Variants in CEP128 observed in about 807,000 individuals in gnomAD.
CEP128 encodes the protein centrosomal protein 128kDa.
A neutral mutation model predicts 156.7 loss-of-function variants in CEP128; 132 were observed. That is an observed-to-expected ratio of 0.84 (90% CI 0.73 to 0.97). The LOEUF is 0.97. Among genes scored for constraint, CEP128 ranks in the 50% least tolerant of loss-of-function variants. CEP128 has a pLI of 0.00. For synonymous variants in CEP128, 469 were observed against 448.9 expected (o/e 1.04, Z -0.57); for missense variants, 1,252 against 1,281.9 (o/e 0.98, Z 0.36).
chr14:80,698,727 G>A (rs1431749784), intron 19 of CEP128, among the ~76,000 whole-genome samples: 1 of 151,840 alleles, frequency 6.6e-6, no homozygotes, highest in African/African-American at 2.4e-5. Context: ...TGATTTCTAA[G>A]ATTAATAGAG....
At chr14:80,700,344 G>A (rs1210684232) in intron 19 of CEP128, among the ~76,000 whole-genome samples, 3 of 152,006 alleles carry the variant, frequency 2.0e-5, no homozygotes, top group African/African-American at 7.3e-5. Context: ...AGCTGGGCTG[G>A]TCACTTATCT....
chr14:80,535,198 C>T lies in CEP128; in HGVS notation c.2881-4312G>A, dbSNP rs552042013. On this transcript the variant is annotated intron_variant, in intron 21 of 24. Transcript: ENST00000555265. ...CTCACACCACCATAAGAGATAGGTA[C>T]GTATTATTGTTATCATCATTATACA... Among the ~76,000 whole-genome samples, 135 of 152,258 alleles carry T rather than the reference C, an allele frequency of 8.9e-4. 1 individual carries two copies. Among genetic ancestry groups the T allele is most frequent in the African/African-American group, 3.1e-3 (127 of 41,552 alleles).
chr14:80,774,797 G>C (rs1360809645), intron 16 of CEP128, among the ~76,000 whole-genome samples: 1 of 152,178 alleles, frequency 6.6e-6, no homozygotes. Flanking sequence ...GTGCCCACCT[G>C]TTTGGTTTGC....
downstream of CEP128, among the ~76,000 whole-genome samples, chr14:80,495,854 C>T (rs1325747327): frequency 2.0e-5 from 3 of 151,968 alleles, no homozygotes; most frequent in East Asian, 1.9e-4. Flanking sequence ...TTATTTAGGA[C>T]GAAGGAGATA....
At chr14:80,768,723 C>A (rs996433606) in intron 16 of CEP128, among the ~76,000 whole-genome samples, 1 of 152,292 alleles carries the variant, frequency 6.6e-6, no homozygotes, top group Middle Eastern at 3.4e-3. Context: ...TGGTCTTAGG[C>A]AGGCTTACAA....
intron 19 of CEP128, among the ~76,000 whole-genome samples, chr14:80,673,671 A>AAAAAT (rs1895944752): frequency 2.1e-5 from 3 of 145,922 alleles, no homozygotes; most frequent in African/African-American, 5.1e-5. Context: ...AAAAAAAAAA[A>AAAAAT]TGTACTAAAG....
At chr14:80,510,955 A>G (rs1888217779) in intron 23 of CEP128, among the ~76,000 whole-genome samples, 1 of 151,598 alleles carries the variant, frequency 6.6e-6, no homozygotes, top group Non-Finnish European at 1.5e-5. Context: ...TCCCTGGGCT[A>G]TTATGAATAA....
At chr14:80,549,849 T>C (rs1404740696) in intron 21 of CEP128, among the ~76,000 whole-genome samples, 1 of 152,102 alleles carries the variant, frequency 6.6e-6, no homozygotes, top group Non-Finnish European at 1.5e-5. Context: ...AGATCCAGGG[T>C]AAAAAGGAAA....
intron 6 of CEP128, among the ~76,000 whole-genome samples, chr14:80,900,288 C>A (rs1883470339): frequency 6.6e-6 from 1 of 152,172 alleles, no homozygotes; most frequent in Non-Finnish European, 1.5e-5. Context: ...TAGAAGGGGT[C>A]TGCTTCTTCC....
At chr14:80,520,548 T>C (rs1045927383) in intron 23 of CEP128, among the ~76,000 whole-genome samples, 4 of 152,220 alleles carry the variant, frequency 2.6e-5, no homozygotes, top group African/African-American at 9.6e-5. Context: ...TAATAGCTAA[T>C]TGATATTTTA....
chr14:80,923,146 A>G (rs1477986093), intron 2 of CEP128, among the ~76,000 whole-genome samples: 1 of 152,196 alleles, frequency 6.6e-6, no homozygotes, highest in African/African-American at 2.4e-5. Context: ...CTCCCAACAA[A>G]TCAGTATTTA....
At chr14:80,697,744 G>C (rs1896938286) in intron 19 of CEP128, among the ~76,000 whole-genome samples, 1 of 151,898 alleles carries the variant, frequency 6.6e-6, no homozygotes, top group Non-Finnish European at 1.5e-5. Flanking sequence ...TATGTCCTTT[G>C]TTTTATCTTA....
At chr14:80,658,403 A>T (rs1052360925) in intron 19 of CEP128, among the ~76,000 whole-genome samples, 1 of 151,912 alleles carries the variant, frequency 6.6e-6, no homozygotes, top group African/African-American at 2.4e-5. Flanking sequence ...GTTCATCCAC[A>T]CTCCTCAATG....
intron 23 of CEP128, among the ~76,000 whole-genome samples, chr14:80,525,819 A>C (rs1566757257): frequency 6.6e-6 from 1 of 152,342 alleles, no homozygotes; most frequent in East Asian, 1.9e-4. Context: ...AGAAGGAGTT[A>C]TGGAAATGAA....
At chr14:80,757,028 A>G in intron 17 of CEP128, 77 bp from the exon 18 acceptor site, 3 of 945,168 alleles carry the variant, frequency 3.2e-6, no homozygotes, top group Non-Finnish European at 4.8e-6. Context: ...TCTTCACCAC[A>G]GTATCCAAAA....
In CEP128 at chr14:80,736,253, G is replaced by GT. The variant is rs1328385063; in HGVS notation, c.2806+6821dup. 5.5e-3 allele frequency among the ~76,000 whole-genome samples: 465 copies of GT among 84,648 alleles called. 1 individual carries two copies. Among genetic ancestry groups the GT allele is most frequent in the Non-Finnish European group, 7.5e-3 (299 of 40,108 alleles). The allele number at this position is 84,648 out of a possible 152,430, so 55.5% of individuals were successfully genotyped here. ...TGTTTTAAGGTAGCTCTAATATAAG[G>GT]TTTTAAAAAAAAAAAAACACAGCAA... On this transcript the variant is annotated intron_variant, in intron 19 of 24. Coordinates refer to ENST00000555265, the MANE Select transcript of CEP128 (RefSeq NM_152446.5).
At chr14:80,774,514 C>T (rs1174248538) in intron 16 of CEP128, among the ~76,000 whole-genome samples, 2 of 152,078 alleles carry the variant, frequency 1.3e-5, no homozygotes, top group African/African-American at 2.4e-5. Flanking sequence ...TCATTGAAAA[C>T]ATATTTTTAT....
chr14:80,505,307 A>G (rs1887923306), intron 23 of CEP128, among the ~76,000 whole-genome samples: 2 of 152,236 alleles, frequency 1.3e-5, no homozygotes, highest in Admixed American at 1.3e-4. Flanking sequence ...CTTATGCTAT[A>G]AACATTTTTG....
chr14:80,904,687 A>C, intron 6 of CEP128, 126 bp downstream of exon 6: 1 of 608,410 alleles, frequency 1.6e-6, no homozygotes, highest in Non-Finnish European at 3.0e-6. Context: ...AAAAGGGATC[A>C]GTATAAAGTT....
Sources: gnomAD v4.1 joint callset for allele counts (sites outside exome capture counted in the v4.1 genomes callset) on GRCh38, gnomAD v4.1.1 for gene constraint, MANE v1.5 for transcripts, NCBI Gene and HGNC (gene_info 2026-07-23, HGNC 2026-07-21) for gene names.